RIN2: variants seen among roughly 807,000 people sequenced by gnomAD.
RIN2 encodes the protein RAB5 interacting protein 2.
In RIN2, 36 loss-of-function variants were observed where a neutral mutation model predicts 78.0. That is an observed-to-expected ratio of 0.46 (90% confidence interval 0.35 to 0.61). The LOEUF is 0.61. RIN2 is among the 20% of genes least tolerant of loss of function. The probability of loss-of-function intolerance (pLI) is 0.00; values close to 1 mark genes in which losing one functional copy is unlikely to be tolerated. For synonymous variants in RIN2, 466 were observed against 466.8 expected (o/e 1.00, Z 0.02); for missense variants, 1,087 against 1,159.7 (o/e 0.94, Z 0.91).
chr20:19,955,241 A>G lies in RIN2; in HGVS notation c.159-1374A>G, dbSNP rs190353289. 1.5e-3 allele frequency among the ~76,000 whole-genome samples: 233 copies of G among 152,310 alleles called. 1 individual carries two copies. The highest frequency in any genetic ancestry group is 5.1e-3 in the African/African-American group (212 of 41,566). ...TTATGTCTGGCTTCTGTCACTGAAC[A>G]AGATGCTTTCCAAGTATATCCATGT... On this transcript the variant is annotated intron_variant, in intron 4 of 12. Coordinates refer to ENST00000255006, the MANE Select transcript of RIN2 (RefSeq NM_018993.4).
intron 7 of RIN2, among the ~76,000 whole-genome samples, chr20:19,967,390 G>C (rs1038958895): frequency 3.3e-5 from 5 of 152,118 alleles, no homozygotes; most frequent in African/African-American, 1.2e-4. Flanking sequence ...TTGGCAATTG[G>C]TAGTTGATTT....
At chr20:19,859,525 T>C (rs2037268928) in intron 2 of RIN2, among the ~76,000 whole-genome samples, 1 of 152,234 alleles carries the variant, frequency 6.6e-6, no homozygotes, top group African/African-American at 2.4e-5. Flanking sequence ...CTTATCTTTC[T>C]TGCCCACTTT....
intron 2 of RIN2, chr20:19,886,611 T>G: frequency 2.7e-6 from 2 of 754,602 alleles, no homozygotes; most frequent in East Asian, 3.2e-5. Flanking sequence ...TTCTTCTTCT[T>G]CTTTTTTTTT....
intron 2 of RIN2, among the ~76,000 whole-genome samples, chr20:19,857,640 A>AAATT (rs1200744586): frequency 1.3e-5 from 2 of 152,142 alleles, no homozygotes; most frequent in Admixed American, 6.5e-5. Context: ...TCAGTCTTTT[A>AAATT]AATTTTACTT....
intron 3 of RIN2, among the ~76,000 whole-genome samples, chr20:19,926,634 C>A (rs394014): frequency 5.8e-4 from 89 of 152,168 alleles, no homozygotes; most frequent in African/African-American, 2.0e-3. Context: ...AGATCTGATA[C>A]CGCAGAGCTG....
At chr20:19,841,980 C>T (rs1347494115) in intron 2 of RIN2, among the ~76,000 whole-genome samples, 4 of 152,210 alleles carry the variant, frequency 2.6e-5, no homozygotes. Context: ...ATGTCATCTA[C>T]AGCTCTTATA....
At chr20:19,989,272 CTTTTTTTT>C (rs11455546) in intron 9 of RIN2, among the ~76,000 whole-genome samples, 1 of 109,374 alleles carries the variant, frequency 9.1e-6, no homozygotes, top group Admixed American at 9.9e-5. Context: ...AGAAAACATT[CTTTTTTTT>C]TTTTTTTTTT....
At chr20:19,991,828 T>C (rs1489673435) in intron 10 of RIN2, among the ~76,000 whole-genome samples, 2 of 152,232 alleles carry the variant, frequency 1.3e-5, no homozygotes, top group African/African-American at 4.8e-5. Context: ...AGTAAATATT[T>C]TGTAAGCATT....
intron 7 of RIN2, among the ~76,000 whole-genome samples, chr20:19,967,865 A>G (rs2041986614): frequency 1.3e-5 from 2 of 152,192 alleles, no homozygotes; most frequent in Non-Finnish European, 2.9e-5. Flanking sequence ...TATCTGTACT[A>G]AGCACCATAC....
rs746942200 is a variant in RIN2, at chr20:19,975,499, C to T, written c.1474C>T (p.Leu492Phe). ...GAGCAGCTCCTTCGTGCTGCCCAAG[C>T]TCGTCAAGTCCCAGCTGCAGAAGGT... ...KRSSSFVLPK[L>F]VKSQLQKVSG... Residue 492 changes from leucine (L) to phenylalanine (F), a missense_variant, in exon 9 of 13, where the codon CTC (leucine) becomes TTC (phenylalanine). Transcript: ENST00000255006. This position sits in a 1 kb window ranked among gnomAD's most constrained non-coding sequence, Gnocchi z 4.9. 7.4e-6 allele frequency: 12 copies of T among 1,614,052 alleles called. No homozygotes were observed. The Admixed American group carries it at 1.3e-4, about 18-fold the overall frequency.
chr20:19,880,009 G>C (rs147857834), intron 2 of RIN2, among the ~76,000 whole-genome samples: 54 of 152,206 alleles, frequency 3.5e-4, no homozygotes, highest in African/African-American at 1.2e-3. Flanking sequence ...AGCACTTTGG[G>C]AGGCCAAGGC....
At position 19,817,514 on chromosome 20, in the gene RIN2, C is replaced by T. The variant is rs532981463; in HGVS notation, c.-37+17767C>T. ...CGGTTTCAATGTATAAATTTGGGGGCGGGGGGCACAAACATTTAGATTATA... is the reference window on the plus strand; with the variant it reads ...CGGTTTCAATGTATAAATTTGGGGGTGGGGGGCACAAACATTTAGATTATA... On this transcript the variant is annotated intron_variant, in intron 2 of 12. Coordinates refer to ENST00000255006, the MANE Select transcript of RIN2 (RefSeq NM_018993.4). Among the ~76,000 whole-genome samples the T allele has an allele frequency of 2.0e-3, 300 of 151,308 alleles. 1 individual carries two copies. The highest frequency in any genetic ancestry group is 7.0e-3 in the African/African-American group (287 of 41,176).
intron 3 of RIN2, among the ~76,000 whole-genome samples, chr20:19,913,289 A>ATT (rs1194071464): frequency 6.6e-5 from 10 of 151,832 alleles, no homozygotes; most frequent in African/African-American, 2.4e-4. Flanking sequence ...CATTTTAAGC[A>ATT]TTTTTAACCA....
intron 5 of RIN2, among the ~76,000 whole-genome samples, chr20:19,958,623 C>T (rs754833650): frequency 5.9e-5 from 9 of 152,226 alleles, no homozygotes; most frequent in African/African-American, 1.9e-4. Flanking sequence ...AATCCCAGCA[C>T]TTTGGGAGGC....
Position 19,770,013 on chromosome 20 carries a change from C to A in RIN2, c.-163+11686C>A, listed in dbSNP as rs200337996. Among the ~76,000 whole-genome samples, 8 of 152,236 alleles carry A rather than the reference C, an allele frequency of 5.3e-5. No homozygotes were observed. In the East Asian group the frequency reaches 1.5e-3, roughly 29 times the overall value. ...TATTTTAGCTATAGTTTCCTATAAG[C>A]GCATTTAAACCTCTTGGTTGTAGTT... On this transcript the variant is annotated intron_variant, in intron 1 of 12. Transcript: ENST00000255006.
At chr20:19,874,516 C>G (rs1352799357) in intron 2 of RIN2, among the ~76,000 whole-genome samples, 1 of 152,218 alleles carries the variant, frequency 6.6e-6, no homozygotes, top group Non-Finnish European at 1.5e-5. Flanking sequence ...AGACAGCACA[C>G]CCCGTCATTA....
At chr20:19,834,544 C>G (rs532547433) in intron 2 of RIN2, among the ~76,000 whole-genome samples, 69 of 152,296 alleles carry the variant, frequency 4.5e-4, no homozygotes, top group South Asian at 3.5e-3. Context: ...CCTCCCACCC[C>G]CTTAAAAGTG....
At position 19,919,156 on chromosome 20, in the gene RIN2, A is replaced by T. The variant is rs542338884; in HGVS notation, c.58-15943A>T. 1.1e-4 allele frequency among the ~76,000 whole-genome samples: 17 copies of T among 152,322 alleles called. No individual in the cohort carries two copies. In the South Asian group the frequency reaches 3.5e-3, roughly 32 times the overall value. On this transcript the variant is annotated intron_variant, in intron 3 of 12. Transcript: ENST00000255006. ...CAGCCTTCCAGCTGGGGGATGACAG[A>T]TGCCGTGCGAGAGTCCCGGTTATAT...
chr20:19,831,529 T>C (rs2036251360), intron 2 of RIN2, among the ~76,000 whole-genome samples: 1 of 152,240 alleles, frequency 6.6e-6, no homozygotes, highest in Non-Finnish European at 1.5e-5. Flanking sequence ...TGAAACTTTT[T>C]ATTTTAAAGT....
Sources: gnomAD v4.1 joint callset for allele counts (sites outside exome capture counted in the v4.1 genomes callset) on GRCh38, gnomAD v4.1.1 for gene constraint, Gnocchi (gnomAD v3.1) non-coding constraint, MANE v1.5 for transcripts, NCBI Gene and HGNC (gene_info 2026-07-23, HGNC 2026-07-21) for gene names.